Variants in CSMD1 observed in about 807,000 individuals in gnomAD.
The protein encoded by CSMD1 is CUB and Sushi multiple domains 1.
In CSMD1, 213 loss-of-function variants were observed where a neutral mutation model predicts 417.5. That is an observed-to-expected ratio of 0.51 (90% CI 0.46 to 0.57). The LOEUF (loss-of-function observed/expected upper bound fraction) is 0.57, where lower values mean the gene tolerates loss of function less well. CSMD1 is among the 20% of genes least tolerant of loss of function. The probability of loss-of-function intolerance (pLI) is 0.00; values close to 1 mark genes in which losing one functional copy is unlikely to be tolerated. For missense variants in CSMD1, 6,923 were observed against 4,529.7 expected, an observed-to-expected ratio of 1.53 and a Z score of -15.17; for synonymous variants, 2,862 against 1,736.8, an observed-to-expected ratio of 1.65 and a Z score of -16.11.
At chr8:3,708,238 C>G (rs1801290191) in intron 7 of CSMD1, among the ~76,000 whole-genome samples, 176 bp downstream of exon 7, 1 of 152,128 alleles carries the variant, frequency 6.6e-6, no homozygotes, top group Non-Finnish European at 1.5e-5. Context: ...CGACATTCCT[C>G]CGTAACAAAG....
At chr8:3,014,372 C>T (rs1052901337) in intron 52 of CSMD1, among the ~76,000 whole-genome samples, 1 of 152,138 alleles carries the variant, frequency 6.6e-6, no homozygotes, top group South Asian at 2.1e-4. Flanking sequence ...TATATATCAT[C>T]AAGTCAATTT....
chr8:3,435,276 A>G (rs1490324707), intron 12 of CSMD1, among the ~76,000 whole-genome samples: 1 of 149,492 alleles, frequency 6.7e-6, no homozygotes, highest in Non-Finnish European at 1.5e-5. Flanking sequence ...TTCACTGCAC[A>G]TATTTCACTG....
intron 5 of CSMD1, among the ~76,000 whole-genome samples, chr8:3,910,121 A>G (rs1017342753): frequency 5.3e-5 from 8 of 152,330 alleles, no homozygotes; most frequent in Admixed American, 2.0e-4. Context: ...ACTGTGGATA[A>G]TAACAGTGTG....
At position 4,006,354 on chromosome 8, in the gene CSMD1, G is replaced by A. The variant is rs576292187; in HGVS notation, c.611-8244C>T. Among the ~76,000 whole-genome samples, 107 of 152,286 alleles carry A rather than the reference G, an allele frequency of 7.0e-4. 1 individual carries two copies. Among genetic ancestry groups the A allele is most frequent in the African/African-American group, 2.6e-3 (107 of 41,570 alleles). ...AGGTCAGCAGTTTGAGGCCAGCCTGGCCAACATGGTGAAACCCTGTCTCTA... is the reference window on the plus strand; with the variant it reads ...AGGTCAGCAGTTTGAGGCCAGCCTGACCAACATGGTGAAACCCTGTCTCTA... On this transcript the variant is annotated intron_variant, in intron 4 of 69. Coordinates refer to ENST00000635120, the MANE Select transcript of CSMD1 (RefSeq NM_033225.6).
chr8:3,409,312 C>A (rs780321093), intron 13 of CSMD1, 111 bp downstream of exon 13: 17 of 984,140 alleles, frequency 1.7e-5, no homozygotes, highest in African/African-American at 3.3e-5. Flanking sequence ...GCACCCCGAG[C>A]CATTCTGAAA....
intron 3 of CSMD1, among the ~76,000 whole-genome samples, chr8:4,215,637 A>G (rs1381783460): frequency 6.6e-6 from 1 of 152,230 alleles, no homozygotes; most frequent in Non-Finnish European, 1.5e-5. Context: ...AATTTGGATC[A>G]TACAAGAATT....
At chr8:3,601,938 G>A (rs1416592702) in intron 8 of CSMD1, among the ~76,000 whole-genome samples, 1 of 152,268 alleles carries the variant, frequency 6.6e-6, no homozygotes, top group Admixed American at 6.5e-5. Flanking sequence ...TGTCTATAGT[G>A]ATCACGTTCC....
chr8:2,954,583 C>T (rs781169946), intron 64 of CSMD1, among the ~76,000 whole-genome samples: 2 of 152,090 alleles, frequency 1.3e-5, no homozygotes, highest in Non-Finnish European at 2.9e-5. Flanking sequence ...TTGGAATACC[C>T]TGCCACATAC....
At chr8:4,645,444 CAAAA>C (rs549511320) in intron 1 of CSMD1, among the ~76,000 whole-genome samples, 2 of 36,850 alleles carry the variant, frequency 5.4e-5, no homozygotes, top group African/African-American at 1.1e-4. Context: ...AGTGCAGGGG[CAAAA>C]AAAAAAAAAA....
chr8:4,539,046 G>A (rs1298119450), intron 2 of CSMD1, among the ~76,000 whole-genome samples: 1 of 152,192 alleles, frequency 6.6e-6, no homozygotes, highest in East Asian at 1.9e-4. Context: ...CATTGCCAGT[G>A]TTAGGTGCCA....
At chr8:4,917,135 G>C (rs1404576075) in intron 1 of CSMD1, among the ~76,000 whole-genome samples, 1 of 152,194 alleles carries the variant, frequency 6.6e-6, no homozygotes. Flanking sequence ...GGAAGGGAAA[G>C]GGAAAGTTGG....
intron 50 of CSMD1, among the ~76,000 whole-genome samples, chr8:3,043,339 C>T (rs922262366): frequency 2.0e-5 from 3 of 151,702 alleles, no homozygotes; most frequent in African/African-American, 7.3e-5. Flanking sequence ...AAGTGATATA[C>T]ATATAACGAT....
At chr8:4,004,086 G>A (rs923457044) in intron 4 of CSMD1, among the ~76,000 whole-genome samples, 19 of 151,926 alleles carry the variant, frequency 1.3e-4, no homozygotes, top group Admixed American at 1.1e-3. Flanking sequence ...TGAAAAAGCA[G>A]AACAAATTTA....
intron 12 of CSMD1, among the ~76,000 whole-genome samples, chr8:3,416,511 A>G (rs1813161373): frequency 6.6e-6 from 1 of 152,170 alleles, no homozygotes. Context: ...TGAATTTCAA[A>G]AAGAGCTAAG....
At chr8:3,100,615 C>A (rs1815669172) in intron 46 of CSMD1, among the ~76,000 whole-genome samples, 3 of 152,174 alleles carry the variant, frequency 2.0e-5, no homozygotes, top group Admixed American at 1.3e-4. Flanking sequence ...TGAAAGCTTG[C>A]CTCTCTCAGA....
chr8:4,980,777 G>A (rs914239515), intron 1 of CSMD1, among the ~76,000 whole-genome samples: 8 of 151,910 alleles, frequency 5.3e-5, no homozygotes, highest in Non-Finnish European at 7.4e-5. Flanking sequence ...TGGTGGCATG[G>A]GTCTGTAGTC....
At position 4,591,924 on chromosome 8, in the gene CSMD1, G is replaced by C. The variant is rs1563316281; in HGVS notation, c.302+45418C>G. Among the ~76,000 whole-genome samples the C allele has an allele frequency of 2.0e-5, 3 of 152,118 alleles. No homozygotes were observed. In the South Asian group the frequency reaches 6.2e-4, roughly 32 times the overall value. ...GCAGACATTCTGAGGGACTTCAGGA[G>C]ATCGGAGGAAAGGCAGCTGCTAGTG... On this transcript the variant is annotated intron_variant, in intron 2 of 69. Coordinates refer to ENST00000635120, the MANE Select transcript of CSMD1 (RefSeq NM_033225.6).
intron 7 of CSMD1, among the ~76,000 whole-genome samples, chr8:3,621,817 C>G (rs188550692): frequency 6.6e-6 from 1 of 151,466 alleles, no homozygotes; most frequent in Admixed American, 6.6e-5. Flanking sequence ...CCATATTGCC[C>G]AGGCTGGTCT....
chr8:4,533,759 G>T (rs1254484653), intron 2 of CSMD1, among the ~76,000 whole-genome samples: 1 of 151,692 alleles, frequency 6.6e-6, no homozygotes, highest in Middle Eastern at 3.4e-3. Context: ...GTATTACAGT[G>T]GGAGTATTTT....
Sources: gnomAD v4.1 joint callset for allele counts (sites outside exome capture counted in the v4.1 genomes callset) on GRCh38, gnomAD v4.1.1 for gene constraint, MANE v1.5 for transcripts, NCBI Gene and HGNC (gene_info 2026-07-23, HGNC 2026-07-21) for gene names.